NAV3: variants seen among roughly 807,000 people sequenced by gnomAD.
The protein encoded by NAV3 is neuron navigator 3.
Under a neutral mutation model 244.7 loss-of-function variants are expected in NAV3, and 87 were observed. The observed-to-expected ratio is 0.36, with a 90% confidence interval of 0.30 to 0.42. The LOEUF (loss-of-function observed/expected upper bound fraction) is 0.42, where lower values mean the gene tolerates loss of function less well. Ranked by LOEUF, NAV3 falls within the 20% of genes least tolerant of loss-of-function variation. The pLI is 1.00. For missense variants in NAV3, 2,663 were observed against 2,893.3 expected (o/e 0.92, Z 1.83); for synonymous variants, 1,126 against 1,042.2 (o/e 1.08, Z -1.55).
At chr12:77,899,007 T>C (rs1202059022) in intron 1 of NAV3, among the ~76,000 whole-genome samples, 1 of 152,194 alleles carries the variant, frequency 6.6e-6, no homozygotes, top group African/African-American at 2.4e-5. Flanking sequence ...GTGGTAGGAA[T>C]AGCAAGAGCA....
chr12:78,011,909 A>G (rs1484176550), intron 8 of NAV3, among the ~76,000 whole-genome samples: 1 of 152,124 alleles, frequency 6.6e-6, no homozygotes, highest in Non-Finnish European at 1.5e-5. Flanking sequence ...AAGAGAGGAC[A>G]TGGGAAACTG....
At chr12:77,938,134 G>C (rs970019638) in intron 1 of NAV3, among the ~76,000 whole-genome samples, 2 of 152,064 alleles carry the variant, frequency 1.3e-5, no homozygotes, top group African/African-American at 4.8e-5. Flanking sequence ...TGGACAGATC[G>C]GCACAACTCA....
At position 77,846,164 on chromosome 12, in the gene NAV3, C is replaced by A. The variant is rs562892094; in HGVS notation, c.243+14460C>A. Among the ~76,000 whole-genome samples, 337 of 152,234 alleles carry A rather than the reference C, an allele frequency of 2.2e-3. 4 individuals are homozygous for A. Among genetic ancestry groups the A allele is most frequent in the African/African-American group, 6.9e-3 (286 of 41,540 alleles). ...ACCAAAACCAAAAACACATCCAATA[C>A]TAAATGACAAAGTGTCTGTAATTTC... On this transcript the variant is annotated intron_variant, in intron 1 of 39. Transcript: ENST00000397909.
chr12:77,998,307 A>G, intron 6 of NAV3, 30 bp from the exon 7 acceptor site: 1 of 1,526,360 alleles, frequency 6.6e-7, no homozygotes, highest in Non-Finnish European at 8.8e-7. Flanking sequence ...AATGTACAAT[A>G]ATGATGTAAT....
intron 3 of NAV3, among the ~76,000 whole-genome samples, chr12:77,943,487 A>G (rs1184854125): frequency 6.6e-6 from 1 of 152,342 alleles, no homozygotes; most frequent in South Asian, 2.1e-4. Context: ...TACATATGAA[A>G]TAAATGTAAC....
intron 1 of NAV3, among the ~76,000 whole-genome samples, chr12:77,908,212 T>G (rs1886202201): frequency 6.6e-6 from 1 of 152,134 alleles, no homozygotes; most frequent in South Asian, 2.1e-4. Context: ...CTGTTTATTT[T>G]CACATAGACT....
At position 77,776,781 on chromosome 12, in the gene NAV3, G is replaced by C. The variant is rs191249469; in HGVS notation, c.73-163538G>C. Among the ~76,000 whole-genome samples, 28 of 152,298 alleles carry C rather than the reference G, an allele frequency of 1.8e-4. No homozygotes were observed. The East Asian group carries it at 5.2e-3, about 28-fold the overall frequency. On this transcript the variant is annotated intron_variant, in intron 2 of 8. Transcript: ENST00000550042. ...GGGTCACCAGAGGTTGGGAGTTTGA[G>C]ACCAGCCTGACCAACATGGAGAAAC... is the stretch of plus-strand genomic sequence containing the variant.
chr12:77,839,126 G>A (rs927473499), intron 1 of NAV3, among the ~76,000 whole-genome samples: 6 of 152,180 alleles, frequency 3.9e-5, no homozygotes, highest in Non-Finnish European at 4.4e-5. Flanking sequence ...TTGGCAGCAT[G>A]TCTATCTCTA....
At chr12:77,654,792 G>A (rs1341411883) in intron 2 of NAV3, among the ~76,000 whole-genome samples, 3 of 150,710 alleles carry the variant, frequency 2.0e-5, no homozygotes, top group East Asian at 1.9e-4. Flanking sequence ...CAGCATATTC[G>A]CGGTTCATGA....
At chr12:77,947,247 A>C (rs966932435) in intron 3 of NAV3, among the ~76,000 whole-genome samples, 4 of 151,740 alleles carry the variant, frequency 2.6e-5, no homozygotes, top group Admixed American at 1.3e-4. Flanking sequence ...TCTTTATCCC[A>C]TTTGGGATAG....
At position 78,169,532 on chromosome 12, in the gene NAV3, A is replaced by T. The variant is rs1471566101; in HGVS notation, c.4981+666A>T. 1.2e-4 allele frequency among the ~76,000 whole-genome samples: 18 copies of T among 151,574 alleles called. No individual in the cohort carries two copies. In the Admixed American group the frequency reaches 1.2e-3, roughly 10 times the overall value. ...TCCTTTACATTGGTTCTATTTACTC[A>T]TTTCCTGACACTTTTCAATGGCCTT... On this transcript the variant is annotated intron_variant, in intron 24 of 39. Coordinates refer to ENST00000397909, the MANE Select transcript of NAV3 (RefSeq NM_001024383.2).
chr12:77,696,615 C>G (rs569795184), intron 2 of NAV3, among the ~76,000 whole-genome samples: 1 of 152,134 alleles, frequency 6.6e-6, no homozygotes, highest in Non-Finnish European at 1.5e-5. Context: ...ATGGGTTACT[C>G]TAAGTTACTA....
chr12:77,683,790 C>A (rs565869442), intron 2 of NAV3, among the ~76,000 whole-genome samples: 2 of 151,984 alleles, frequency 1.3e-5, no homozygotes, highest in East Asian at 3.9e-4. Flanking sequence ...CTTTTTATTT[C>A]TTGAATATTG....
chr12:77,860,412 CAT>C (rs1344636622), intron 1 of NAV3, among the ~76,000 whole-genome samples: 3 of 150,710 alleles, frequency 2.0e-5, no homozygotes, highest in African/African-American at 7.3e-5. Context: ...ATATACAACA[CAT>C]ATATATTCAC....
chr12:78,029,432 G>C (rs1317004185), intron 9 of NAV3, among the ~76,000 whole-genome samples: 1 of 152,176 alleles, frequency 6.6e-6, no homozygotes, highest in Non-Finnish European at 1.5e-5. Context: ...AACTAGAGCA[G>C]TGTACATTCA....
chr12:77,920,311 C>T (rs988065617), intron 1 of NAV3, among the ~76,000 whole-genome samples: 2 of 151,892 alleles, frequency 1.3e-5, no homozygotes, highest in Non-Finnish European at 2.9e-5. Flanking sequence ...ATATATTGTA[C>T]TTAATTTTCT....
At chr12:77,815,709 A>C (rs1162240401) in intron 2 of NAV3, among the ~76,000 whole-genome samples, 1 of 152,154 alleles carries the variant, frequency 6.6e-6, no homozygotes, top group African/African-American at 2.4e-5. Flanking sequence ...GTCATAATTC[A>C]TCAAATCTTT....
chr12:77,942,143 C>A lies in NAV3; in HGVS notation c.414+1010C>A, dbSNP rs546460801. Among the ~76,000 whole-genome samples the A allele has an allele frequency of 1.1e-4, 17 of 152,236 alleles. 1 individual carries two copies. The East Asian group carries it at 3.1e-3, about 28-fold the overall frequency. ...ATCCCAGCACTTTGGGATGCCAAGGCGGGTGGATGACCTGAGGTCGGGAGT... is the reference window on the plus strand; with the variant it reads ...ATCCCAGCACTTTGGGATGCCAAGGAGGGTGGATGACCTGAGGTCGGGAGT... On this transcript the variant is annotated intron_variant, in intron 3 of 39. Transcript: ENST00000397909.
chr12:77,671,552 G>T (rs1027159243), intron 2 of NAV3, among the ~76,000 whole-genome samples: 2 of 152,074 alleles, frequency 1.3e-5, no homozygotes. Flanking sequence ...CATGATACTG[G>T]TATAAAAATA....
Sources: allele counts gnomAD v4.1 joint callset (sites outside exome capture counted in the v4.1 genomes callset), GRCh38; gene constraint gnomAD v4.1.1; transcripts MANE v1.5; gene names NCBI Gene and HGNC (gene_info 2026-07-23, HGNC 2026-07-21).